COL8A1: variants seen among roughly 807,000 people sequenced by gnomAD.
The protein encoded by COL8A1 is collagen alpha-1(VIII) chain.
In COL8A1, 21 loss-of-function variants were observed where a neutral mutation model predicts 42.7. The ratio of observed to expected loss-of-function variants is 0.49; its 90% CI spans 0.35 to 0.71. The LOEUF (loss-of-function observed/expected upper bound fraction) is 0.71, where lower values mean the gene tolerates loss of function less well. Ranked by LOEUF, COL8A1 falls within the 30% of genes least tolerant of loss-of-function variation. COL8A1 has a pLI of 0.01. For missense variants in COL8A1, 788 were observed against 962.4 expected (o/e 0.82, Z 2.40); for synonymous variants, 367 against 369.1 (o/e 0.99, Z 0.06).
chr3:99,798,679 T>C lies in COL8A1; in HGVS notation c.*2543T>C, dbSNP rs1488454342. The C allele has an allele frequency of 6.6e-6, 1 of 152,240 alleles. No homozygotes were observed. The highest frequency in any genetic ancestry group is 1.5e-5 in the Non-Finnish European group (1 of 68,042). 9.4% of individuals were successfully genotyped at this position (152,240 alleles called of 1,614,324 possible). ...GTGTGTATGCGTGCGCATGTGTGTG[T>C]ATGTGTATTATCAGACATAGGTTTC... On this transcript the variant is annotated 3_prime_UTR_variant, in exon 4 of 4. Transcript: ENST00000652472.
At chr3:99,711,655 T>C (rs1168312644) in intron 1 of COL8A1, among the ~76,000 whole-genome samples, 1 of 152,120 alleles carries the variant, frequency 6.6e-6, no homozygotes, top group Non-Finnish European at 1.5e-5. Flanking sequence ...CAGGCCTATC[T>C]GGTCCTCAGA....
intron 1 of COL8A1, among the ~76,000 whole-genome samples, chr3:99,644,135 C>T (rs1442455577): frequency 1.3e-5 from 2 of 152,140 alleles, no homozygotes; most frequent in East Asian, 3.9e-4. Flanking sequence ...ATTTTAATAG[C>T]ATTGTCCAAA....
chr3:99,747,923 A>C (rs368061156), intron 2 of COL8A1, among the ~76,000 whole-genome samples: 1 of 152,240 alleles, frequency 6.6e-6, no homozygotes, highest in African/African-American at 2.4e-5. Context: ...TCTATCCTTC[A>C]TTCTCCTACC....
At chr3:99,746,799 A>G (rs902128684) in intron 2 of COL8A1, among the ~76,000 whole-genome samples, 25 of 152,364 alleles carry the variant, frequency 1.6e-4, no homozygotes, top group African/African-American at 6.0e-4. Context: ...TCATCAATTC[A>G]GGCAGGCCTG....
intron 2 of COL8A1, among the ~76,000 whole-genome samples, chr3:99,785,189 C>A (rs1941870074): frequency 6.6e-6 from 1 of 152,100 alleles, no homozygotes; most frequent in Admixed American, 6.6e-5. Flanking sequence ...TTTAAATGTT[C>A]CCATCATTAT....
chr3:99,788,098 C>G lies in COL8A1; in HGVS notation c.-3-2582C>G, dbSNP rs1363714225. On this transcript the variant is annotated intron_variant, in intron 2 of 3. Coordinates refer to ENST00000652472, the MANE Select transcript of COL8A1 (RefSeq NM_020351.4). The stretch of plus-strand genomic sequence containing the variant: ...TGTTCTTTTGAGTGATTTGGGAGAA[C>G]CCCCATACCACTTTGACCACCAAAA... Among the ~76,000 whole-genome samples the G allele has an allele frequency of 2.0e-5, 3 of 152,040 alleles. 1 individual carries two copies. In the South Asian group the frequency reaches 6.2e-4, roughly 32 times the overall value.
Position 99,795,746 on chromosome 3 carries a change from G to C in COL8A1, c.1845G>C (p.Met615Ile). Reference protein sequence around the residue: ...KGKNGGPAYEMPAFTAELTAP... With the variant: ...KGKNGGPAYEIPAFTAELTAP... ...AGAATGGAGGGCCAGCCTATGAGAT[G>C]CCTGCATTTACCGCCGAGCTAACCG... is the stretch of plus-strand genomic sequence containing the variant. The change falls in exon 4 of 4, where the codon ATG (methionine) becomes ATC (isoleucine). Residue 615 changes from methionine to isoleucine, a missense_variant. By Grantham distance (10) the Met-to-Ile change is conservative. Coordinates refer to ENST00000652472, the MANE Select transcript of COL8A1 (RefSeq NM_020351.4). 1 of 1,614,188 alleles carries C rather than the reference G, an allele frequency of 6.2e-7. No individual in the cohort carries two copies. Among genetic ancestry groups the C allele is most frequent in the Non-Finnish European group, 8.5e-7 (1 of 1,180,024 alleles).
At chr3:99,710,689 C>CA (rs1346293736) in intron 1 of COL8A1, among the ~76,000 whole-genome samples, 1 of 152,098 alleles carries the variant, frequency 6.6e-6, no homozygotes, top group East Asian at 1.9e-4. Context: ...GTGGACCAGG[C>CA]ATGTGTGTTA....
At chr3:99,698,652 A>T (rs547996247) in intron 1 of COL8A1, among the ~76,000 whole-genome samples, 2 of 152,242 alleles carry the variant, frequency 1.3e-5, no homozygotes, top group Non-Finnish European at 2.9e-5. Flanking sequence ...AAACCACTCC[A>T]TTAAAAAAGT....
chr3:99,751,745 G>A (rs1173320437), intron 2 of COL8A1, among the ~76,000 whole-genome samples: 1 of 152,214 alleles, frequency 6.6e-6, no homozygotes, highest in Non-Finnish European at 1.5e-5. Context: ...GACGCTAACA[G>A]TGACTGTGGA....
chr3:99,725,983 T>C (rs1940305551), intron 1 of COL8A1, among the ~76,000 whole-genome samples: 2 of 152,180 alleles, frequency 1.3e-5, no homozygotes, highest in South Asian at 4.1e-4. Flanking sequence ...CCTTGAGGAA[T>C]CGCCACACTA....
At chr3:99,736,134 T>C (rs1009258724) in intron 1 of COL8A1, among the ~76,000 whole-genome samples, 1 of 152,204 alleles carries the variant, frequency 6.6e-6, no homozygotes, top group Non-Finnish European at 1.5e-5. Flanking sequence ...TGAAGGGTTT[T>C]TTGTGTCTCT....
At chr3:99,720,643 C>T (rs558587730) in intron 1 of COL8A1, among the ~76,000 whole-genome samples, 4 of 152,086 alleles carry the variant, frequency 2.6e-5, no homozygotes, top group South Asian at 4.1e-4. Flanking sequence ...GACATAAACA[C>T]CTAAGTGAAC....
chr3:99,785,048 C>T (rs1288913978), intron 2 of COL8A1, among the ~76,000 whole-genome samples: 1 of 152,074 alleles, frequency 6.6e-6, no homozygotes, highest in African/African-American at 2.4e-5. Context: ...CTCAACATGC[C>T]CTCCCTTCCT....
intron 1 of COL8A1, among the ~76,000 whole-genome samples, chr3:99,644,245 T>G (rs1389624514): frequency 6.6e-6 from 1 of 152,162 alleles, no homozygotes; most frequent in Non-Finnish European, 1.5e-5. Flanking sequence ...GTGTGAAAGC[T>G]TTATAAGTAC....
chr3:99,764,091 G>C (rs1157413691), intron 2 of COL8A1, among the ~76,000 whole-genome samples: 2 of 152,170 alleles, frequency 1.3e-5, no homozygotes, highest in Non-Finnish European at 2.9e-5. Flanking sequence ...CTCAGGCCCA[G>C]TGACTATCAC....
At chr3:99,779,140 G>T (rs1941746908) in intron 2 of COL8A1, among the ~76,000 whole-genome samples, 1 of 152,252 alleles carries the variant, frequency 6.6e-6, no homozygotes, top group African/African-American at 2.4e-5. Context: ...TAGATGTGAG[G>T]ATACTACTTT....
chr3:99,789,418 C>A (rs1941954677), intron 2 of COL8A1, among the ~76,000 whole-genome samples: 1 of 152,106 alleles, frequency 6.6e-6, no homozygotes, highest in South Asian at 2.1e-4. Flanking sequence ...TGACATGTCC[C>A]TTAAGATTCA....
At chr3:99,658,514 G>A (rs1428335085) in intron 1 of COL8A1, among the ~76,000 whole-genome samples, 1 of 152,060 alleles carries the variant, frequency 6.6e-6, no homozygotes, top group Non-Finnish European at 1.5e-5. Flanking sequence ...TTAACTAACT[G>A]TCTCCATGGC....
Sources: allele counts gnomAD v4.1 joint callset (sites outside exome capture counted in the v4.1 genomes callset), GRCh38; gene constraint gnomAD v4.1.1; transcripts MANE v1.5; gene names NCBI Gene and HGNC (gene_info 2026-07-23, HGNC 2026-07-21).